Variants in DHX35 observed in about 807,000 individuals in gnomAD.
DHX35 encodes the protein probable ATP-dependent RNA helicase DHX35.
In DHX35, 84 loss-of-function variants were observed where a neutral mutation model predicts 99.6. The ratio of observed to expected loss-of-function variants is 0.84; its 90% CI spans 0.71 to 1.01. DHX35 has a LOEUF of 1.01. Ranked by LOEUF, DHX35 falls within the 50% of genes least tolerant of loss-of-function variation. The pLI, the probability that DHX35 is intolerant of heterozygous loss-of-function variation, is 0.00. For missense variants in DHX35, 852 were observed against 888.5 expected, an observed-to-expected ratio of 0.96 and a Z score of 0.52; for synonymous variants, 331 against 316.2, an observed-to-expected ratio of 1.05 and a Z score of -0.50.
intron 13 of DHX35, among the ~76,000 whole-genome samples, chr20:39,012,222 C>A (rs994488655): frequency 6.6e-6 from 1 of 151,932 alleles, no homozygotes; most frequent in African/African-American, 2.4e-5. Context: ...GCACTCCAGC[C>A]TGGGCAATAG....
chr20:38,985,140 T>C (rs2086230800), intron 4 of DHX35, among the ~76,000 whole-genome samples: 1 of 152,094 alleles, frequency 6.6e-6, no homozygotes, highest in Admixed American at 6.6e-5. Flanking sequence ...CCCAGCACAT[T>C]GGGAGGCCGA....
intron 3 of DHX35, among the ~76,000 whole-genome samples, chr20:38,975,512 G>A (rs181384525): frequency 1.9e-4 from 29 of 152,214 alleles, no homozygotes; most frequent in Middle Eastern, 3.4e-3. Flanking sequence ...TCATTTTATA[G>A]GTGAGGACAC....
At chr20:39,014,851 A>T in intron 13 of DHX35, 29 bp from the exon 14 acceptor site, 1 of 1,614,084 alleles carries the variant, frequency 6.2e-7, no homozygotes, top group South Asian at 1.1e-5. Context: ...AAATAAATTG[A>T]TTCAGGAAGA....
At chr20:38,994,984 C>A in intron 8 of DHX35, 104 bp downstream of exon 8, 1 of 969,718 alleles carries the variant, frequency 1.0e-6, no homozygotes, top group Admixed American at 2.0e-5. Context: ...GCAGAATGCC[C>A]TATCTTCTTT....
intron 1 of DHX35, among the ~76,000 whole-genome samples, chr20:38,967,509 C>T (rs1802813561): frequency 6.6e-6 from 1 of 152,220 alleles, no homozygotes; most frequent in African/African-American, 2.4e-5. Flanking sequence ...GTGTCATTTA[C>T]TTATTACTCC....
intron 3 of DHX35, chr20:38,977,922 A>G: frequency 1.7e-6 from 1 of 595,162 alleles, no homozygotes; most frequent in Non-Finnish European, 3.2e-6. Context: ...CCTCATCATC[A>G]AAATCATCAT....
At chr20:39,027,779 A>T (rs981508461) in intron 18 of DHX35, among the ~76,000 whole-genome samples, 2 of 152,254 alleles carry the variant, frequency 1.3e-5, no homozygotes, top group Non-Finnish European at 2.9e-5. Context: ...AAAAAGAGCG[A>T]GTCTTAAAAT....
At chr20:39,025,420 T>G (rs1568758617) in intron 18 of DHX35, 61 bp downstream of exon 18, 2 of 1,585,534 alleles carry the variant, frequency 1.3e-6, no homozygotes, top group African/African-American at 2.7e-5. Context: ...GTTGTCTTCC[T>G]AAAGTTCTCA....
intron 8 of DHX35, among the ~76,000 whole-genome samples, chr20:39,000,616 T>G (rs550805612): frequency 1.3e-5 from 2 of 152,362 alleles, no homozygotes; most frequent in African/African-American, 4.8e-5. Flanking sequence ...TCCAGTTTAC[T>G]CTTTTAAAAG....
intron 20 of DHX35, 77 bp from the exon 21 acceptor site, chr20:39,034,129 A>G (rs1898054727): frequency 9.3e-7 from 1 of 1,070,262 alleles, no homozygotes; most frequent in Admixed American, 1.7e-5. Context: ...AGGTTAAAGG[A>G]AACAGCATGT....
At chr20:38,982,412 T>G (rs1164836684) in intron 3 of DHX35, among the ~76,000 whole-genome samples, 2 of 152,250 alleles carry the variant, frequency 1.3e-5, no homozygotes, top group Non-Finnish European at 2.9e-5. Context: ...CTCCACCCCC[T>G]GCAGTGTGGT....
At chr20:38,972,534 T>G in intron 2 of DHX35, 25 bp from the exon 3 acceptor site, 1 of 1,470,992 alleles carries the variant, frequency 6.8e-7, no homozygotes, top group East Asian at 2.3e-5. Flanking sequence ...TATGGCTATT[T>G]GCAAGGTGTG....
intron 12 of DHX35, among the ~76,000 whole-genome samples, chr20:39,007,107 G>A (rs985264928): frequency 1.3e-5 from 2 of 152,158 alleles, no homozygotes; most frequent in Non-Finnish European, 2.9e-5. Flanking sequence ...CAGGCCCAGG[G>A]TTTTTTATTT....
At chr20:39,010,836 AG>A (rs1374384122) in intron 13 of DHX35, among the ~76,000 whole-genome samples, 1 of 152,152 alleles carries the variant, frequency 6.6e-6, no homozygotes, top group African/African-American at 2.4e-5. Flanking sequence ...ATAGAGCTGC[AG>A]GAAGACCCTT....
At chr20:39,002,653 T>C (rs2086540120) in intron 9 of DHX35, 119 bp from the exon 10 acceptor site, 1 of 700,820 alleles carries the variant, frequency 1.4e-6, no homozygotes, top group Admixed American at 2.8e-5. Context: ...CCTGTACTAA[T>C]TACCTACTGG....
At chr20:38,999,027 G>A (rs1199081470) in intron 8 of DHX35, among the ~76,000 whole-genome samples, 1 of 152,138 alleles carries the variant, frequency 6.6e-6, no homozygotes, top group Non-Finnish European at 1.5e-5. Flanking sequence ...TTGAACTCCT[G>A]ACCTCAGGCC....
At position 38,972,547 on chromosome 20, in the gene DHX35, A is replaced by T. The variant is rs1220223879; in HGVS notation, c.175-12A>T. 1.9e-6 allele frequency: 3 copies of T among 1,559,796 alleles called. No homozygotes were observed. The highest frequency in any genetic ancestry group is 2.2e-5 in the East Asian group (1 of 44,590). Reference sequence around the variant, plus strand: ...TGTATGGCTATTTGCAAGGTGTGTTATTCTTTTTCAGCTTAGGAATCATAT... The same window carrying T: ...TGTATGGCTATTTGCAAGGTGTGTTTTTCTTTTTCAGCTTAGGAATCATAT... On this transcript the variant is annotated splice_polypyrimidine_tract_variant and intron_variant, in intron 2 of 21. Transcript: ENST00000252011.
At chr20:38,992,133 G>A (rs1170266761) in intron 6 of DHX35, among the ~76,000 whole-genome samples, 1 of 152,130 alleles carries the variant, frequency 6.6e-6, no homozygotes. Context: ...ATGGTAAAAC[G>A]CTTAAAGATA....
At position 39,002,756 on chromosome 20, in the gene DHX35, C is replaced by T. The variant is rs759786064; in HGVS notation, c.756-16C>T. The T allele has an allele frequency of 6.2e-7, 1 of 1,602,480 alleles. No homozygotes were observed. The highest frequency in any genetic ancestry group is 1.7e-5 in the Admixed American group (1 of 59,780). On this transcript the variant is annotated splice_polypyrimidine_tract_variant and intron_variant, in intron 9 of 21. Coordinates refer to ENST00000252011, the MANE Select transcript of DHX35 (RefSeq NM_021931.4). The stretch of plus-strand genomic sequence containing the variant: ...AGCATATTCTAGTGATGAATTCATC[C>T]CATTTGTCTTTTCAGTCCTGTTCCA...
Sources: gnomAD v4.1 joint callset for allele counts (sites outside exome capture counted in the v4.1 genomes callset) on GRCh38, gnomAD v4.1.1 for gene constraint, MANE v1.5 for transcripts, NCBI Gene and HGNC (gene_info 2026-07-23, HGNC 2026-07-21) for gene names.